MCM5: variants seen among roughly 807,000 people sequenced by gnomAD.
MCM5 encodes DNA replication licensing factor MCM5.
In MCM5, 46 loss-of-function variants were observed where a neutral mutation model predicts 79.9. The observed-to-expected ratio is 0.58, with a 90% CI of 0.45 to 0.74. The LOEUF (loss-of-function observed/expected upper bound fraction) is 0.74. MCM5 is among the 30% of genes least tolerant of loss of function. The pLI, the probability that MCM5 is intolerant of heterozygous loss-of-function variation, is 0.00. For missense variants in MCM5, 883 were observed against 1,017.0 expected, an observed-to-expected ratio of 0.87 and a Z score of 1.79; for synonymous variants, 404 against 390.5, an observed-to-expected ratio of 1.03 and a Z score of -0.41.
chr22:35,440,505 A>G, the MCM5 span, among the ~76,000 whole-genome samples: 1 of 152,236 alleles, frequency 6.6e-6, no homozygotes, highest in Admixed American at 6.5e-5. Context: ...TTGAGAGGGG[A>G]GGAGGTACGG....
At chr22:35,424,128 C>A in intron 16 of MCM5, 26 bp from the exon 17 acceptor site, 1 of 1,501,934 alleles carries the variant, frequency 6.7e-7, no homozygotes, top group Non-Finnish European at 9.1e-7. Context: ...CAGCACGTGC[C>A]GTTAGCCAGC....
chr22:35,441,004 C>A, the MCM5 span, among the ~76,000 whole-genome samples: 4 of 149,546 alleles, frequency 2.7e-5, no homozygotes, highest in Non-Finnish European at 5.9e-5. Flanking sequence ...TTGCGGTGAG[C>A]TGAGATCACA....
At chr22:35,416,118 G>A in intron 10 of MCM5, 146 bp downstream of exon 10, 1 of 1,115,850 alleles carries the variant, frequency 9.0e-7, no homozygotes, top group Non-Finnish European at 1.3e-6. Context: ...GTGGGAAGCT[G>A]CTTAACCTCT....
At chr22:35,453,481 G>A in the MCM5 span, among the ~76,000 whole-genome samples, 1 of 142,076 alleles carries the variant, frequency 7.0e-6, no homozygotes, top group Non-Finnish European at 1.5e-5. Flanking sequence ...AAGAGACAGA[G>A]GGACAGATAC....
chr22:35,454,758 T>C, the MCM5 span, among the ~76,000 whole-genome samples: 1 of 152,228 alleles, frequency 6.6e-6, no homozygotes, highest in Admixed American at 6.5e-5. Flanking sequence ...GCCTAGCACG[T>C]GCTGAACATC....
the MCM5 span, among the ~76,000 whole-genome samples, chr22:35,444,507 C>A: frequency 6.6e-6 from 1 of 152,104 alleles, no homozygotes; most frequent in Admixed American, 6.5e-5. Flanking sequence ...CCTGGGCTGT[C>A]GCGGCCCAGA....
intron 9 of MCM5, among the ~76,000 whole-genome samples, chr22:35,414,918 A>G (rs751458517): frequency 2.0e-5 from 3 of 152,148 alleles, no homozygotes; most frequent in South Asian, 2.1e-4. Flanking sequence ...GTCTGACATG[A>G]TCCGAGTGGC....
chr22:35,444,136 G>A, the MCM5 span, among the ~76,000 whole-genome samples: 1 of 151,060 alleles, frequency 6.6e-6, no homozygotes, highest in Non-Finnish European at 1.5e-5. Flanking sequence ...CTCAGGAAAG[G>A]TTGACTGAAT....
At position 35,406,307 on chromosome 22, in the gene MCM5, C is replaced by CCG. The variant is rs1555903422; in HGVS notation, c.424-246_424-245insCG. On this transcript the variant is annotated intron_variant, in intron 4 of 16. Transcript: ENST00000216122. ...TCTCTTGCCCTGCCACCTCCCCCCC[C>CCG]AATTGTGCTGCGAGGTCTTTAAAAG... 1.1e-4 allele frequency among the ~76,000 whole-genome samples: 16 copies of CCG among 144,464 alleles called. 1 individual carries two copies. The East Asian group carries it at 2.8e-3, about 25-fold the overall frequency. The allele number at this position is 144,464 out of a possible 152,430, so 94.8% of individuals were successfully genotyped here.
downstream of MCM5, among the ~76,000 whole-genome samples, chr22:35,426,072 G>A (rs562711030): frequency 3.9e-4 from 59 of 152,270 alleles, no homozygotes; most frequent in South Asian, 5.6e-3. Flanking sequence ...CAGTCAGGTG[G>A]GGGAGACTGA....
At chr22:35,436,972 G>A in the MCM5 span, among the ~76,000 whole-genome samples, 10 of 134,848 alleles carry the variant, frequency 7.4e-5, no homozygotes, top group Non-Finnish European at 1.4e-4. Context: ...TCAGCCTCGC[G>A]TCACTAGGGC....
At chr22:35,442,371 C>T in the MCM5 span, among the ~76,000 whole-genome samples, 1 of 150,272 alleles carries the variant, frequency 6.7e-6, no homozygotes, top group Admixed American at 6.6e-5. Context: ...AAAAAAAAAA[C>T]ATCACAAACT....
chr22:35,414,402 T>C (rs991496565), intron 9 of MCM5, among the ~76,000 whole-genome samples: 1 of 152,120 alleles, frequency 6.6e-6, no homozygotes, highest in African/African-American at 2.4e-5. Flanking sequence ...GGCGGATTGC[T>C]TGAGCTCAGG....
At chr22:35,418,066 G>C (rs1274398999) in intron 13 of MCM5, among the ~76,000 whole-genome samples, 1 of 152,182 alleles carries the variant, frequency 6.6e-6, no homozygotes, top group Non-Finnish European at 1.5e-5. Flanking sequence ...TCCACACCAA[G>C]GAGGTGGGAT....
the MCM5 span, among the ~76,000 whole-genome samples, chr22:35,445,830 G>C: frequency 1.3e-5 from 2 of 152,156 alleles, no homozygotes; most frequent in Admixed American, 6.6e-5. Flanking sequence ...ACTATGCTTT[G>C]AAGATGTTTT....
At chr22:35,423,901 A>T (rs1453102944) in intron 16 of MCM5, 1 of 461,234 alleles carries the variant, frequency 2.2e-6, no homozygotes, top group Non-Finnish European at 3.8e-6. Context: ...GCTTAGAGAA[A>T]GGTTTAGAGC....
rs563632703 is a variant in MCM5 at position 35,408,598 on chromosome 22, A to C, written c.752+35A>C. ...ACGGGCTGGGAGGTGGGCATCTACG[A>C]CGGTGGATGTCCCAGCTGTGGCCCT... On this transcript the variant is annotated intron_variant, in intron 6 of 16. Coordinates refer to ENST00000216122, the MANE Select transcript of MCM5 (RefSeq NM_006739.4). 5 of 1,587,812 alleles carry C rather than the reference A, an allele frequency of 3.1e-6. No homozygotes were observed. In the African/African-American group the frequency reaches 6.7e-5, roughly 21 times the overall value.
chr22:35,416,958 C>T (rs761176789), intron 12 of MCM5, 144 bp downstream of exon 12: 164 of 899,806 alleles, frequency 1.8e-4, no homozygotes, highest in Non-Finnish European at 2.4e-4. Flanking sequence ...CGTGAGAGGG[C>T]GGTTGTTGTG....
chr22:35,406,789 C>G, intron 5 of MCM5, 64 bp downstream of exon 5: 3 of 1,543,178 alleles, frequency 1.9e-6, no homozygotes, highest in Non-Finnish European at 2.6e-6. Context: ...AGGATGAGAA[C>G]AAGTAGCAAG....
Sources: gnomAD v4.1 joint callset for allele counts (sites outside exome capture counted in the v4.1 genomes callset) on GRCh38, gnomAD v4.1.1 for gene constraint, MANE v1.5 for transcripts, NCBI Gene and HGNC (gene_info 2026-07-23, HGNC 2026-07-21) for gene names.